The following TTC39B variants were observed in gnomAD, a reference collection of about 807,000 sequenced individuals.
TTC39B encodes tetratricopeptide repeat domain 39B.
Under a neutral mutation model 96.6 loss-of-function variants are expected in TTC39B, and 92 were observed. That is an observed-to-expected ratio of 0.95 (90% CI 0.80 to 1.13). TTC39B has a LOEUF of 1.13. TTC39B is among the 50% of genes most tolerant of loss of function. TTC39B has a pLI of 0.00. For missense variants in TTC39B, 955 were observed against 809.3 expected, an observed-to-expected ratio of 1.18 and a Z score of -2.18; for synonymous variants, 367 against 299.4, an observed-to-expected ratio of 1.23 and a Z score of -2.33.
chr9:15,239,524 A>C (rs1241647892), intron 2 of TTC39B, among the ~76,000 whole-genome samples: 9 of 152,250 alleles, frequency 5.9e-5, no homozygotes, highest in Non-Finnish European at 8.8e-5. Context: ...CTAGGTGTCC[A>C]TCAATGGTTG....
intron 1 of TTC39B, among the ~76,000 whole-genome samples, chr9:15,279,872 T>C (rs1184170788): frequency 6.7e-6 from 1 of 149,304 alleles, no homozygotes; most frequent in Non-Finnish European, 1.5e-5. Context: ...TTTTTGTAAA[T>C]AAAGTACTTT....
chr9:15,307,097 A>G, exon 1 of TTC39B: 1 of 1,610,306 alleles, frequency 6.2e-7, no homozygotes, highest in Non-Finnish European at 8.5e-7. Flanking sequence ...GTCCGCTTCC[A>G]GCTCCGCTCG....
chr9:15,228,849 G>A (rs1174091494), intron 2 of TTC39B, among the ~76,000 whole-genome samples: 1 of 152,110 alleles, frequency 6.6e-6, no homozygotes, highest in Non-Finnish European at 1.5e-5. Flanking sequence ...GACTTTAGCA[G>A]AATATAATAA....
intron 9 of TTC39B, among the ~76,000 whole-genome samples, chr9:15,192,240 T>A (rs950553035): frequency 2.8e-4 from 43 of 152,236 alleles, no homozygotes; most frequent in African/African-American, 1.0e-3. Context: ...ATTCCTCAAG[T>A]TATACTGGTC....
At chr9:15,239,708 G>C (rs1285472113) in intron 2 of TTC39B, among the ~76,000 whole-genome samples, 1 of 152,024 alleles carries the variant, frequency 6.6e-6, no homozygotes, top group Non-Finnish European at 1.5e-5. Context: ...CTAAACAATA[G>C]GTACAAATGC....
intron 2 of TTC39B, among the ~76,000 whole-genome samples, chr9:15,234,225 G>A (rs1000308186): frequency 2.0e-5 from 3 of 151,140 alleles, no homozygotes; most frequent in Non-Finnish European, 3.0e-5. Flanking sequence ...AGTGAGGAGC[G>A]TCTCTGCCCG....
chr9:15,252,290 G>A (rs1195043100), intron 2 of TTC39B, among the ~76,000 whole-genome samples: 1 of 152,110 alleles, frequency 6.6e-6, no homozygotes, highest in African/African-American at 2.4e-5. Flanking sequence ...ACATGTAAGA[G>A]AATAATTGAT....
rs371894487 is a variant in TTC39B, at chr9:15,185,381, T to A, written c.1513A>T (p.Ile505Phe). Residue 505 changes from isoleucine (I) to phenylalanine (F), a missense_variant, in exon 16 of 20, where the codon ATT (isoleucine) becomes TTT (phenylalanine). Coordinates refer to ENST00000512701, the Ensembl canonical transcript of TTC39B. ...TCAGTAGGGATAGATTTCCCGGCAA[T>A]TCTCTGCTTCAAGCTGTCCACCTGT... The A allele has an allele frequency of 6.8e-6, 11 of 1,613,714 alleles. No individual in the cohort carries two copies. In the African/African-American group the frequency reaches 1.5e-4, roughly 22 times the overall value.
At chr9:15,276,215 C>T (rs1823536972) in intron 1 of TTC39B, among the ~76,000 whole-genome samples, 1 of 152,214 alleles carries the variant, frequency 6.6e-6, no homozygotes, top group Non-Finnish European at 1.5e-5. Flanking sequence ...GTTAATTGCA[C>T]CTGCCTGGCT....
In TTC39B at chr9:15,186,874, T is replaced by G. The variant is rs763300002; in HGVS notation, c.1487+70A>C. ...CCAGGCCCAGCTAATTTTTTGTATT[T>G]TCAGTAGAGATGAGATTTTGCCCCT... On this transcript the variant is annotated intron_variant, in intron 15 of 19. Transcript: ENST00000512701. 3.5e-6 allele frequency: 5 copies of G among 1,414,164 alleles called. No individual in the cohort carries two copies. In the African/African-American group the frequency reaches 7.1e-5, roughly 20 times the overall value. The allele number at this position is 1,414,164 out of a possible 1,614,324, so 87.6% of individuals were successfully genotyped here.
intron 8 of TTC39B, among the ~76,000 whole-genome samples, chr9:15,199,159 T>C (rs1422174619): frequency 6.6e-6 from 1 of 152,204 alleles, no homozygotes; most frequent in East Asian, 1.9e-4. Context: ...AATAAGGATA[T>C]GAACAACGCT....
chr9:15,183,728 G>A (rs527479940), intron 16 of TTC39B, among the ~76,000 whole-genome samples: 51 of 152,356 alleles, frequency 3.3e-4, no homozygotes, highest in Non-Finnish European at 6.3e-4. Flanking sequence ...CAGGCATGGA[G>A]CTAAGGCTCT....
intron 1 of TTC39B, among the ~76,000 whole-genome samples, chr9:15,302,198 C>T (rs1056274745): frequency 1.3e-5 from 2 of 150,848 alleles, no homozygotes; most frequent in Non-Finnish European, 3.0e-5. Context: ...TGGTGGTGGG[C>T]GCCTGCAATT....
intron 2 of TTC39B, among the ~76,000 whole-genome samples, chr9:15,229,018 C>A (rs901491615): frequency 6.6e-6 from 1 of 152,152 alleles, no homozygotes; most frequent in Non-Finnish European, 1.5e-5. Flanking sequence ...ATAAGCATAT[C>A]ATGCCACAAA....
chr9:15,238,754 G>A (rs1821902275), intron 2 of TTC39B, among the ~76,000 whole-genome samples: 1 of 152,188 alleles, frequency 6.6e-6, no homozygotes, highest in Non-Finnish European at 1.5e-5. Context: ...TGGAGGCTGA[G>A]ACGGGCTGAT....
chr9:15,187,691 C>G (rs925538405), intron 14 of TTC39B, among the ~76,000 whole-genome samples: 1 of 152,238 alleles, frequency 6.6e-6, no homozygotes, highest in Non-Finnish European at 1.5e-5. Flanking sequence ...AACTCCTGAC[C>G]TCAAGCCATC....
At chr9:15,225,728 A>G (rs932725250) in intron 3 of TTC39B, among the ~76,000 whole-genome samples, 189 bp downstream of exon 3, 1 of 152,216 alleles carries the variant, frequency 6.6e-6, no homozygotes, top group African/African-American at 2.4e-5. Flanking sequence ...CCACCTATTC[A>G]CTGAGTCCCT....
intron 13 of TTC39B, 64 bp downstream of exon 13, chr9:15,189,510 A>T (rs548418976): frequency 6.5e-7 from 1 of 1,529,586 alleles, no homozygotes; most frequent in Non-Finnish European, 9.0e-7. Flanking sequence ...AGTAGGTCAC[A>T]GCGACTCATG....
At chr9:15,241,477 A>G (rs556347128) in intron 2 of TTC39B, among the ~76,000 whole-genome samples, 1 of 152,314 alleles carries the variant, frequency 6.6e-6, no homozygotes, top group Admixed American at 6.5e-5. Context: ...AGCACAAAAA[A>G]TAATAGCATG....
Sources: allele counts gnomAD v4.1 joint callset (sites outside exome capture counted in the v4.1 genomes callset), GRCh38; gene constraint gnomAD v4.1.1; transcripts MANE v1.5; gene names NCBI Gene and HGNC (gene_info 2026-07-23, HGNC 2026-07-21).